KIAA1328: variants seen among roughly 807,000 people sequenced by gnomAD.
KIAA1328 encodes the protein KIAA1328.
KIAA1328 carries 52 observed loss-of-function variants against 68.1 expected under a neutral mutation model. That is an observed-to-expected ratio of 0.76 (90% CI 0.61 to 0.96). The LOEUF (loss-of-function observed/expected upper bound fraction) is 0.96, where lower values mean the gene tolerates loss of function less well. Among genes scored for constraint, KIAA1328 ranks in the 40% least tolerant of loss-of-function variants. The pLI is 0.00. For missense variants in KIAA1328, 641 were observed against 677.6 expected (o/e 0.95, Z 0.60); for synonymous variants, 232 against 239.4 (o/e 0.97, Z 0.28).
intron 7 of KIAA1328, among the ~76,000 whole-genome samples, chr18:37,108,369 G>A (rs2057832498): frequency 6.6e-6 from 1 of 151,998 alleles, no homozygotes; most frequent in African/African-American, 2.4e-5. Context: ...AACTACTACT[G>A]GGGGAGGGGG....
rs1211364290 is a variant in KIAA1328, at chr18:36,937,489, C to T, written c.449-21819C>T. 2.6e-5 allele frequency among the ~76,000 whole-genome samples: 4 copies of T among 152,034 alleles called. 1 individual carries two copies. Among genetic ancestry groups the T allele is most frequent in the Admixed American group, 2.6e-4 (4 of 15,268 alleles). On this transcript the variant is annotated intron_variant, in intron 5 of 9. Transcript: ENST00000280020. ...ACAAAGGTCTAATATCCAGAATTTA[C>T]AAGGAACTTAAACAAATTTACAAGA...
At chr18:36,845,541 A>G (rs945425338) in intron 4 of KIAA1328, among the ~76,000 whole-genome samples, 1 of 151,798 alleles carries the variant, frequency 6.6e-6, no homozygotes, top group Non-Finnish European at 1.5e-5. Flanking sequence ...TAGAGCATTA[A>G]GTTAATTATA....
At chr18:36,995,081 T>C (rs985753212) in intron 6 of KIAA1328, among the ~76,000 whole-genome samples, 1 of 152,078 alleles carries the variant, frequency 6.6e-6, no homozygotes, top group African/African-American at 2.4e-5. Context: ...ACATTAGGTA[T>C]TTTTTCCTAA....
intron 4 of KIAA1328, among the ~76,000 whole-genome samples, chr18:36,874,742 C>T (rs1254081315): frequency 6.6e-6 from 1 of 152,166 alleles, no homozygotes; most frequent in Admixed American, 6.6e-5. Context: ...GTGTTTTAGT[C>T]ATGAAGGCTT....
At chr18:37,053,241 T>C (rs1443353270) in intron 6 of KIAA1328, among the ~76,000 whole-genome samples, 1 of 152,212 alleles carries the variant, frequency 6.6e-6, no homozygotes, top group Non-Finnish European at 1.5e-5. Flanking sequence ...GGAGAGAGGA[T>C]ACCCTGTTCA....
chr18:37,193,563 A>C, intron 9 of KIAA1328: 2 of 702,390 alleles, frequency 2.8e-6, no homozygotes, highest in South Asian at 1.5e-5. Context: ...TGAACCACTC[A>C]TGGACATTTT....
chr18:37,181,306 C>G (rs1271907488), intron 9 of KIAA1328, among the ~76,000 whole-genome samples: 7 of 151,806 alleles, frequency 4.6e-5, no homozygotes, highest in African/African-American at 1.7e-4. Context: ...TATAAACATG[C>G]CTGTCTCCCA....
At chr18:37,194,900 C>G (rs1402758646) in intron 9 of KIAA1328, among the ~76,000 whole-genome samples, 2 of 152,122 alleles carry the variant, frequency 1.3e-5, no homozygotes, top group African/African-American at 4.8e-5. Flanking sequence ...ACCTCATGAT[C>G]CACACACCTT....
At chr18:36,925,947 C>A (rs1163476628) in intron 5 of KIAA1328, among the ~76,000 whole-genome samples, 1 of 151,984 alleles carries the variant, frequency 6.6e-6, no homozygotes, top group Non-Finnish European at 1.5e-5. Flanking sequence ...CTTCTCCAAC[C>A]CCCTTTCCAC....
At chr18:37,202,489 C>T (rs2060133831) in intron 9 of KIAA1328, among the ~76,000 whole-genome samples, 1 of 152,136 alleles carries the variant, frequency 6.6e-6, no homozygotes. Context: ...CCATGAATTT[C>T]CTTGAAGAAA....
intron 6 of KIAA1328, among the ~76,000 whole-genome samples, chr18:37,023,309 G>A (rs2054420432): frequency 6.6e-6 from 1 of 152,170 alleles, no homozygotes; most frequent in Admixed American, 6.5e-5. Flanking sequence ...TGAATTCCTG[G>A]AGTCAAGCGA....
intron 7 of KIAA1328, among the ~76,000 whole-genome samples, chr18:37,159,816 G>A (rs1481674297): frequency 6.6e-6 from 1 of 152,114 alleles, no homozygotes; most frequent in East Asian, 1.9e-4. Flanking sequence ...GCACATTGGT[G>A]ATATTTTAAT....
At chr18:37,019,886 A>G (rs980417447) in intron 6 of KIAA1328, among the ~76,000 whole-genome samples, 1 of 152,206 alleles carries the variant, frequency 6.6e-6, no homozygotes, top group African/African-American at 2.4e-5. Flanking sequence ...GGGTACAACA[A>G]ATGTCTGATG....
chr18:37,219,812 G>C (rs1017179402), intron 9 of KIAA1328, among the ~76,000 whole-genome samples: 1 of 152,116 alleles, frequency 6.6e-6, no homozygotes, highest in South Asian at 2.1e-4. Flanking sequence ...ACCTTGCTTC[G>C]GCTTGCCCTC....
chr18:36,993,341 G>A (rs11663324), intron 6 of KIAA1328, among the ~76,000 whole-genome samples: 25 of 152,120 alleles, frequency 1.6e-4, no homozygotes, highest in Non-Finnish European at 3.4e-4. Context: ...GTAGTGACAA[G>A]TATTTATATA....
intron 7 of KIAA1328, among the ~76,000 whole-genome samples, chr18:37,112,569 T>A (rs1266965426): frequency 6.6e-6 from 1 of 152,166 alleles, no homozygotes; most frequent in Non-Finnish European, 1.5e-5. Flanking sequence ...GCAGAAAAGC[T>A]GAAAATTCTA....
intron 3 of KIAA1328, among the ~76,000 whole-genome samples, chr18:36,836,374 A>G (rs72885236): frequency 6.6e-6 from 1 of 152,138 alleles, no homozygotes; most frequent in African/African-American, 2.4e-5. Flanking sequence ...TTTTTGTCCT[A>G]TTGGCTATAA....
At chr18:36,899,444 G>T (rs556984665) in intron 5 of KIAA1328, among the ~76,000 whole-genome samples, 2 of 151,822 alleles carry the variant, frequency 1.3e-5, no homozygotes, top group African/African-American at 4.8e-5. Flanking sequence ...AAACTTGCCC[G>T]TTAGTGCTGA....
At chr18:36,900,575 A>G (rs1053567385) in intron 5 of KIAA1328, among the ~76,000 whole-genome samples, 15 of 151,984 alleles carry the variant, frequency 9.9e-5, no homozygotes, top group African/African-American at 3.6e-4. Flanking sequence ...TTTCAGCATT[A>G]GTTTTAATAG....
Sources: allele counts gnomAD v4.1 joint callset (sites outside exome capture counted in the v4.1 genomes callset), GRCh38; gene constraint gnomAD v4.1.1; transcripts MANE v1.5; gene names NCBI Gene and HGNC (gene_info 2026-07-23, HGNC 2026-07-21).